The following IL1R1 variants were observed in gnomAD, a reference collection of about 807,000 sequenced individuals.
IL1R1 encodes the protein interleukin-1 receptor type 1.
Under a neutral mutation model 50.2 loss-of-function variants are expected in IL1R1, and 22 were observed. That is an observed-to-expected ratio of 0.44 (90% CI 0.31 to 0.63). The LOEUF (loss-of-function observed/expected upper bound fraction) is 0.63. Ranked by LOEUF, IL1R1 falls within the 20% of genes least tolerant of loss-of-function variation. The probability of loss-of-function intolerance (pLI) is 0.07; values close to 1 mark genes in which losing one functional copy is unlikely to be tolerated. For synonymous variants in IL1R1, 251 were observed against 236.7 expected (o/e 1.06, Z -0.55); for missense variants, 509 against 676.2 (o/e 0.75, Z 2.74).
intron 1 of IL1R1, among the ~76,000 whole-genome samples, chr2:102,105,916 C>T (rs535571889): frequency 6.6e-6 from 1 of 152,256 alleles, no homozygotes; most frequent in South Asian, 2.1e-4. Flanking sequence ...ATAATTTATC[C>T]TTGATCTCCA....
chr2:102,140,176 G>GA (rs1260759788), upstream of IL1R1, among the ~76,000 whole-genome samples: 6 of 151,626 alleles, frequency 4.0e-5, no homozygotes, highest in African/African-American at 7.3e-5. Flanking sequence ...GAGGTTCAAG[G>GA]AAAAAAAACA....
intron 1 of IL1R1, among the ~76,000 whole-genome samples, chr2:102,106,835 ATAGT>A (rs1171856244): frequency 6.6e-6 from 1 of 152,156 alleles, no homozygotes; most frequent in African/African-American, 2.4e-5. Context: ...CATTGCATAG[ATAGT>A]TTATTAAATC....
At chr2:102,124,289 G>T (rs1469197585) in intron 1 of IL1R1, among the ~76,000 whole-genome samples, 2 of 151,948 alleles carry the variant, frequency 1.3e-5, no homozygotes, top group Non-Finnish European at 2.9e-5. Flanking sequence ...AAGCATGGTG[G>T]TGCGCCTGTA....
In IL1R1 at chr2:102,178,834, C is replaced by G. The variant is rs200831932; in HGVS notation, c.*2075C>G. 2.2e-4 allele frequency: 33 copies of G among 152,424 alleles called. No homozygotes were observed. Among genetic ancestry groups the G allele is most frequent in the Admixed American group, 9.8e-4 (15 of 15,300 alleles). The allele number at this position is 152,424 out of a possible 1,614,324, so 9.4% of individuals were successfully genotyped here. A position where few individuals can be genotyped will look rare whatever the true frequency, so the allele number is the denominator to read the frequency against. ...AATTTATATGCCACCGATTGCAGGA[C>G]ACAAGCACAGTTTTAAGAGTTGTAT... On this transcript the variant is annotated 3_prime_UTR_variant, in exon 12 of 12. Transcript: ENST00000410023.
chr2:102,119,244 T>C (rs1681269834), intron 1 of IL1R1, among the ~76,000 whole-genome samples: 2 of 152,190 alleles, frequency 1.3e-5, no homozygotes, highest in African/African-American at 4.8e-5. Flanking sequence ...TGTAAGTTCT[T>C]TATTGCACTT....
chr2:102,171,493 G>A (rs925683284), intron 7 of IL1R1, among the ~76,000 whole-genome samples: 14 of 152,172 alleles, frequency 9.2e-5, no homozygotes, highest in South Asian at 4.1e-4. Context: ...ATTATGGAAT[G>A]CTAAGCAGCC....
intron 7 of IL1R1, among the ~76,000 whole-genome samples, chr2:102,169,737 G>A (rs898553186): frequency 1.3e-5 from 2 of 152,166 alleles, no homozygotes; most frequent in African/African-American, 4.8e-5. Context: ...TTCTTAGACA[G>A]AAACAAAAAT....
At chr2:102,150,825 T>C (rs1453691991) in intron 1 of IL1R1, among the ~76,000 whole-genome samples, 1 of 152,206 alleles carries the variant, frequency 6.6e-6, no homozygotes, top group Admixed American at 6.5e-5. Flanking sequence ...GAGAGGATGT[T>C]AGCCAGTCCA....
At chr2:102,100,218 A>C (rs906912702), upstream of IL1R1, among the ~76,000 whole-genome samples, 1 of 152,148 alleles carries the variant, frequency 6.6e-6, no homozygotes. Flanking sequence ...CTTCCTTTGG[A>C]AAATGTATTC....
At chr2:102,152,288 G>A (rs566563478) in intron 1 of IL1R1, among the ~76,000 whole-genome samples, 3 of 151,554 alleles carry the variant, frequency 2.0e-5, no homozygotes, top group Non-Finnish European at 2.9e-5. Context: ...GGTGGATCAC[G>A]AGGTCAGGAG....
intron 1 of IL1R1, among the ~76,000 whole-genome samples, chr2:102,082,641 A>G (rs943751572): frequency 6.6e-6 from 1 of 152,176 alleles, no homozygotes; most frequent in Admixed American, 6.5e-5. Context: ...AACAAAACAG[A>G]ACAAACGCCC....
At chr2:102,131,830 A>G (rs1054999444) in intron 1 of IL1R1, among the ~76,000 whole-genome samples, 3 of 152,188 alleles carry the variant, frequency 2.0e-5, no homozygotes, top group African/African-American at 7.2e-5. Flanking sequence ...TGAAAATTAC[A>G]AACCCACATA....
chr2:102,148,043 C>T (rs1477772245), intron 1 of IL1R1, among the ~76,000 whole-genome samples: 2 of 152,136 alleles, frequency 1.3e-5, no homozygotes, highest in African/African-American at 4.8e-5. Context: ...GCTTCTGTTT[C>T]CCTGCTGTGG....
At chr2:102,106,967 CA>C (rs1250771081) in intron 1 of IL1R1, among the ~76,000 whole-genome samples, 1 of 152,100 alleles carries the variant, frequency 6.6e-6, no homozygotes, top group Non-Finnish European at 1.5e-5. Context: ...CTCCTTGATG[CA>C]AAGGTTATCT....
chr2:102,152,486 C>A (rs1331601290), intron 1 of IL1R1, among the ~76,000 whole-genome samples: 1 of 104,520 alleles, frequency 9.6e-6, no homozygotes, highest in East Asian at 3.2e-4. Flanking sequence ...GCCTGGGGGA[C>A]AGAGCAAGAC....
chr2:102,099,380 C>T (rs189642317), intron 1 of IL1R1, among the ~76,000 whole-genome samples: 58 of 152,306 alleles, frequency 3.8e-4, no homozygotes, highest in African/African-American at 1.2e-3. Context: ...GGGGCAAACA[C>T]TGTCTCTGCA....
chr2:102,158,557 A>G (rs1334700166), intron 3 of IL1R1, among the ~76,000 whole-genome samples: 1 of 152,234 alleles, frequency 6.6e-6, no homozygotes, highest in Non-Finnish European at 1.5e-5. Flanking sequence ...AGCATGTGCA[A>G]AGGCCCAGAG....
At chr2:102,162,660 A>G (rs953069709) in intron 3 of IL1R1, among the ~76,000 whole-genome samples, 3 of 152,090 alleles carry the variant, frequency 2.0e-5, no homozygotes, top group Non-Finnish European at 4.4e-5. Flanking sequence ...ACAGTTTCAC[A>G]TATAGTATAC....
intron 1 of IL1R1, among the ~76,000 whole-genome samples, chr2:102,085,719 A>G (rs1324664269): frequency 6.6e-6 from 1 of 152,058 alleles, no homozygotes; most frequent in Admixed American, 6.6e-5. Flanking sequence ...GAATTTTAAA[A>G]TCACCTGTCA....
Sources: gnomAD v4.1 joint callset for allele counts (sites outside exome capture counted in the v4.1 genomes callset) on GRCh38, gnomAD v4.1.1 for gene constraint, MANE v1.5 for transcripts, NCBI Gene and HGNC (gene_info 2026-07-23, HGNC 2026-07-21) for gene names.